Variants in FHIT observed in about 807,000 individuals in gnomAD.
FHIT encodes the protein fragile histidine triad diadenosine triphosphatase, also known as bis(5'-adenosyl)-triphosphatase.
FHIT carries 19 observed loss-of-function variants against 17.9 expected under a neutral mutation model. That is an observed-to-expected ratio of 1.06 (90% CI 0.74 to 1.56). The LOEUF is 1.56. Among genes scored for constraint, FHIT ranks in the 40% most tolerant of loss-of-function variants. The pLI is 0.00. For synonymous variants in FHIT, 81 were observed against 69.7 expected (o/e 1.16, Z -0.81); for missense variants, 248 against 189.2 (o/e 1.31, Z -1.82).
At chr3:60,008,921 A>G (rs541553156) in intron 7 of FHIT, among the ~76,000 whole-genome samples, 8 of 152,316 alleles carry the variant, frequency 5.3e-5, no homozygotes, top group Non-Finnish European at 1.2e-4. Context: ...AGGCTGGCAA[A>G]TATCTATCAC....
intron 2 of FHIT, among the ~76,000 whole-genome samples, chr3:61,068,464 G>A (rs1345316406): frequency 2.6e-5 from 4 of 152,020 alleles, no homozygotes; most frequent in East Asian, 1.9e-4. Flanking sequence ...CTCCTCTATC[G>A]CCATATCTTT....
At chr3:61,015,270 G>A (rs2032045850) in intron 3 of FHIT, among the ~76,000 whole-genome samples, 1 of 152,100 alleles carries the variant, frequency 6.6e-6, no homozygotes, top group Non-Finnish European at 1.5e-5. Context: ...CAGATTCGAA[G>A]GGGGATTTTT....
chr3:60,283,664 G>T (rs994801741), intron 5 of FHIT, among the ~76,000 whole-genome samples: 1 of 151,982 alleles, frequency 6.6e-6, no homozygotes, highest in Non-Finnish European at 1.5e-5. Context: ...CAGTATTTAA[G>T]GTTTTCTTTC....
intron 3 of FHIT, among the ~76,000 whole-genome samples, chr3:60,961,406 T>C (rs1447284968): frequency 3.3e-5 from 5 of 152,228 alleles, no homozygotes; most frequent in African/African-American, 9.6e-5. Context: ...GGTAGTTTCT[T>C]TTGCTGTGCA....
In FHIT at chr3:60,619,991, G is replaced by A. The variant is rs184819787; in HGVS notation, c.-17-83012C>T. 3.0e-3 allele frequency among the ~76,000 whole-genome samples: 451 copies of A among 151,864 alleles called. 4 individuals carry two copies. Among genetic ancestry groups the A allele is most frequent in the African/African-American group, 0.011 (435 of 41,412 alleles). On this transcript the variant is annotated intron_variant, in intron 4 of 9. Coordinates refer to ENST00000492590, the MANE Select transcript of FHIT (RefSeq NM_002012.4). ...CATTAAGAAAAATAATTTAAAAATGGGCAAAAGACTTGAACAGACACCTCA... is the reference window on the plus strand; with the variant it reads ...CATTAAGAAAAATAATTTAAAAATGAGCAAAAGACTTGAACAGACACCTCA...
chr3:61,125,654 T>G lies in FHIT; in HGVS notation c.-164+74963A>C, dbSNP rs1008928548. Among the ~76,000 whole-genome samples the G allele has an allele frequency of 3.9e-5, 6 of 152,200 alleles. No individual in the cohort carries two copies. The East Asian group carries it at 1.2e-3, about 29-fold the overall frequency. The stretch of plus-strand genomic sequence containing the variant: ...TCATCTGGCAAACAACTGTCTTTTC[T>G]TCAAGATGTAAACAATGAAACAATT... On this transcript the variant is annotated intron_variant, in intron 2 of 9. Coordinates refer to ENST00000492590, the MANE Select transcript of FHIT (RefSeq NM_002012.4).
At chr3:60,202,793 T>C (rs998295676) in intron 5 of FHIT, among the ~76,000 whole-genome samples, 1 of 152,144 alleles carries the variant, frequency 6.6e-6, no homozygotes, top group African/African-American at 2.4e-5. Flanking sequence ...ATGCTCTGTC[T>C]TCGTGCAGGT....
At chr3:60,477,658 G>T (rs749082990) in intron 5 of FHIT, among the ~76,000 whole-genome samples, 11 of 152,150 alleles carry the variant, frequency 7.2e-5, no homozygotes, top group Non-Finnish European at 1.5e-4. Flanking sequence ...CATGCCAAAA[G>T]ATTAACTTAA....
chr3:61,127,344 A>G (rs1469175211), intron 2 of FHIT, among the ~76,000 whole-genome samples: 1 of 152,228 alleles, frequency 6.6e-6, no homozygotes, highest in Non-Finnish European at 1.5e-5. Flanking sequence ...TTGGCATGAC[A>G]CAAACTCACA....
rs575719470 is a variant in FHIT at position 60,142,131 on chromosome 3, T to TATA, written c.104-127982_104-127980dup. Among the ~76,000 whole-genome samples the TATA allele has an allele frequency of 6.0e-4, 92 of 152,302 alleles. 1 individual carries two copies. Among genetic ancestry groups the TATA allele is most frequent in the African/African-American group, 2.1e-3 (88 of 41,576 alleles). ...TTTTAGCATATCAATAGGAAAGCAG[T>TATA]ATAACTAACTGGTCAAGAATGTAAG... On this transcript the variant is annotated intron_variant, in intron 5 of 9. Coordinates refer to ENST00000492590, the MANE Select transcript of FHIT (RefSeq NM_002012.4).
intron 8 of FHIT, among the ~76,000 whole-genome samples, chr3:59,878,947 C>T (rs994859168): frequency 6.6e-6 from 1 of 151,944 alleles, no homozygotes; most frequent in Admixed American, 6.6e-5. Flanking sequence ...AGCATTCTGA[C>T]TGTAAACCCT....
chr3:60,983,549 G>T (rs1316537862), intron 3 of FHIT, among the ~76,000 whole-genome samples: 1 of 152,142 alleles, frequency 6.6e-6, no homozygotes, highest in Non-Finnish European at 1.5e-5. Context: ...GAGATGACAG[G>T]CTGACTTGAG....
chr3:60,347,145 C>T (rs746476165), intron 5 of FHIT, among the ~76,000 whole-genome samples: 7 of 151,796 alleles, frequency 4.6e-5, no homozygotes, highest in Non-Finnish European at 7.4e-5. Flanking sequence ...ATTACCTTCT[C>T]GGTATGTGGT....
rs544082048 is a variant in FHIT, at chr3:59,950,678, C to T, written c.280-28264G>A. ...CTCTGTCTTACTTCCATGCTACAAA[C>T]TCAGGTGAGTTCACTGTAGCCTCCA... is the stretch of plus-strand genomic sequence containing the variant. On this transcript the variant is annotated intron_variant, in intron 7 of 9. Coordinates refer to ENST00000492590, the MANE Select transcript of FHIT (RefSeq NM_002012.4). Among the ~76,000 whole-genome samples, 16 of 152,300 alleles carry T rather than the reference C, an allele frequency of 1.1e-4. No individual in the cohort carries two copies. The South Asian group carries it at 2.7e-3, about 26-fold the overall frequency.
At chr3:60,672,602 C>G (rs969946659) in intron 4 of FHIT, among the ~76,000 whole-genome samples, 3 of 152,150 alleles carry the variant, frequency 2.0e-5, no homozygotes, top group Admixed American at 6.5e-5. Context: ...TGGGCGTATA[C>G]GTGCAAGTCA....
chr3:61,149,878 A>G (rs999958592), intron 2 of FHIT, among the ~76,000 whole-genome samples: 5 of 152,126 alleles, frequency 3.3e-5, no homozygotes, highest in African/African-American at 9.7e-5. Flanking sequence ...AAAAAAATGT[A>G]TATATAAAAA....
intron 1 of FHIT, among the ~76,000 whole-genome samples, chr3:61,206,847 A>T: frequency 6.6e-6 from 1 of 152,132 alleles, no homozygotes; most frequent in Non-Finnish European, 1.5e-5. Flanking sequence ...CAGAACTTCC[A>T]ACACTATATT....
intron 5 of FHIT, among the ~76,000 whole-genome samples, chr3:60,288,257 T>C (rs1707821277): frequency 6.6e-6 from 1 of 152,166 alleles, no homozygotes; most frequent in Non-Finnish European, 1.5e-5. Flanking sequence ...ACCTAGACTC[T>C]GAAGACGCAC....
intron 7 of FHIT, among the ~76,000 whole-genome samples, chr3:59,929,127 T>TC (rs1180442295): frequency 1.3e-5 from 2 of 151,828 alleles, no homozygotes; most frequent in Non-Finnish European, 2.9e-5. Flanking sequence ...TTTCTGCAGT[T>TC]CCCCAAAAGG....
Sources: allele counts gnomAD v4.1 joint callset (sites outside exome capture counted in the v4.1 genomes callset), GRCh38; gene constraint gnomAD v4.1.1; transcripts MANE v1.5; gene names NCBI Gene and HGNC (gene_info 2026-07-23, HGNC 2026-07-21).